SIL1: variants seen among roughly 807,000 people sequenced by gnomAD.
SIL1 encodes the protein SIL1 nucleotide exchange factor, also known as nucleotide exchange factor SIL1.
SIL1 carries 40 observed loss-of-function variants against 49.1 expected under a neutral mutation model. The ratio of observed to expected loss-of-function variants is 0.81; its 90% CI spans 0.63 to 1.06. SIL1 has a LOEUF of 1.06. Ranked by LOEUF, SIL1 falls within the 50% of genes least tolerant of loss-of-function variation. The probability of loss-of-function intolerance (pLI) is 0.00; values close to 1 mark genes in which losing one functional copy is unlikely to be tolerated. For synonymous variants in SIL1, 253 were observed against 250.8 expected (o/e 1.01, Z -0.08); for missense variants, 500 against 572.6 (o/e 0.87, Z 1.29).
intron 1 of SIL1, among the ~76,000 whole-genome samples, chr5:139,136,195 G>A (rs1453423653): frequency 1.3e-5 from 2 of 152,180 alleles, no homozygotes; most frequent in Admixed American, 1.3e-4. Context: ...GTGAGCTTAA[G>A]GCTCAATCTT....
intron 1 of SIL1, among the ~76,000 whole-genome samples, chr5:139,177,080 C>T (rs1267670331): frequency 6.6e-6 from 1 of 151,308 alleles, no homozygotes; most frequent in Middle Eastern, 3.2e-3. Flanking sequence ...CTACAGGCGC[C>T]CGCCACCACA....
chr5:139,019,165 T>C (rs1561830782), intron 7 of SIL1, among the ~76,000 whole-genome samples: 1 of 152,238 alleles, frequency 6.6e-6, no homozygotes, highest in Non-Finnish European at 1.5e-5. Context: ...CCCATCACTG[T>C]GTTGTGTATT....
chr5:138,991,022 C>T (rs1341269455), intron 7 of SIL1, among the ~76,000 whole-genome samples: 11 of 152,372 alleles, frequency 7.2e-5, no homozygotes, highest in East Asian at 1.9e-4. Flanking sequence ...CACCCCCAGC[C>T]GGCTTTTTAA....
Position 139,073,404 on chromosome 5 carries a change from A to G in SIL1, c.245-22358T>C, listed in dbSNP as rs114520366. Among the ~76,000 whole-genome samples, 168 of 152,344 alleles carry G rather than the reference A, an allele frequency of 1.1e-3. 1 individual carries two copies. The highest frequency in any genetic ancestry group is 3.8e-3 in the African/African-American group (157 of 41,578). On this transcript the variant is annotated intron_variant, in intron 3 of 9. Coordinates refer to ENST00000394817, the MANE Select transcript of SIL1 (RefSeq NM_022464.5). ...TTTGCAATAATATGGGTGAGCCTAGAAGAATTATGTGAAGTGAAATAAGCC... is the reference window on the plus strand; with the variant it reads ...TTTGCAATAATATGGGTGAGCCTAGGAGAATTATGTGAAGTGAAATAAGCC...
At position 139,100,746 on chromosome 5, in the gene SIL1, C is replaced by T. The variant is rs79136603; in HGVS notation, c.244+20289G>A. ...TGGGGTCTTAGAGAAAGAAAGGGGT[C>T]GAGAATGACTGTGAGGATTTTGACC... On this transcript the variant is annotated intron_variant, in intron 3 of 9. Coordinates refer to ENST00000394817, the MANE Select transcript of SIL1 (RefSeq NM_022464.5). Among the ~76,000 whole-genome samples, 495 of 151,932 alleles carry T rather than the reference C, an allele frequency of 3.3e-3. 1 individual carries two copies. Among genetic ancestry groups the T allele is most frequent in the Admixed American group, 5.5e-3 (84 of 15,238 alleles).
At chr5:139,027,543 G>A (rs1023482408) in intron 5 of SIL1, among the ~76,000 whole-genome samples, 2 of 152,218 alleles carry the variant, frequency 1.3e-5, no homozygotes, top group Non-Finnish European at 2.9e-5. Context: ...AACCACAGGT[G>A]TACAATTTGT....
At position 138,981,160 on chromosome 5, in the gene SIL1, C is replaced by T. The variant is rs958014913; in HGVS notation, c.768-29276G>A. On this transcript the variant is annotated intron_variant, in intron 7 of 9. Coordinates refer to ENST00000394817, the MANE Select transcript of SIL1 (RefSeq NM_022464.5). ...CCCAGGTGGCGGAGGTTGCAGCAAG[C>T]CAAGATCACGTCACTGCCCTCTAGC... Among the ~76,000 whole-genome samples the T allele has an allele frequency of 4.0e-5, 6 of 149,236 alleles. No homozygotes were observed. In the Admixed American group the frequency reaches 4.0e-4, roughly 10 times the overall value.
intron 7 of SIL1, among the ~76,000 whole-genome samples, chr5:139,011,647 A>T (rs1768274950): frequency 6.6e-6 from 1 of 152,022 alleles, no homozygotes; most frequent in Admixed American, 6.5e-5. Flanking sequence ...CTATAGTTTT[A>T]AAAGTTTGAT....
At chr5:139,060,565 A>G (rs933892903) in intron 3 of SIL1, among the ~76,000 whole-genome samples, 8 of 151,478 alleles carry the variant, frequency 5.3e-5, no homozygotes, top group African/African-American at 9.7e-5. Flanking sequence ...ATAAAACACC[A>G]TAGCCTAGAA....
At chr5:138,982,922 C>T (rs557611390) in intron 7 of SIL1, among the ~76,000 whole-genome samples, 1 of 152,270 alleles carries the variant, frequency 6.6e-6, no homozygotes, top group African/African-American at 2.4e-5. Flanking sequence ...ACCAGTTGGG[C>T]GTGGTGGCTC....
At chr5:139,012,137 T>G (rs566628010) in intron 7 of SIL1, among the ~76,000 whole-genome samples, 1 of 152,276 alleles carries the variant, frequency 6.6e-6, no homozygotes, top group East Asian at 1.9e-4. Context: ...CACTGCAGCC[T>G]CAACTTCCAT....
chr5:139,005,706 G>T (rs1768102983), intron 7 of SIL1, among the ~76,000 whole-genome samples: 1 of 84,642 alleles, frequency 1.2e-5, no homozygotes, highest in Non-Finnish European at 2.3e-5. Flanking sequence ...TGCGGTGTTT[G>T]GTTTTTTGTT....
chr5:139,002,943 T>C (rs924186892), intron 7 of SIL1, among the ~76,000 whole-genome samples: 2 of 152,172 alleles, frequency 1.3e-5, no homozygotes, highest in African/African-American at 4.8e-5. Flanking sequence ...ATGCAGTCAG[T>C]TCCTTCGGGA....
chr5:139,166,316 T>C (rs151155036), intron 1 of SIL1, among the ~76,000 whole-genome samples: 1 of 152,260 alleles, frequency 6.6e-6, no homozygotes, highest in East Asian at 1.9e-4. Flanking sequence ...TCACCTAGTA[T>C]TTACCATTAA....
intron 5 of SIL1, among the ~76,000 whole-genome samples, chr5:139,029,932 G>T (rs959952733): frequency 6.6e-6 from 1 of 151,126 alleles, no homozygotes; most frequent in South Asian, 2.1e-4. Context: ...AGCTGTGATC[G>T]TACCACTTCA....
intron 3 of SIL1, among the ~76,000 whole-genome samples, chr5:139,118,629 C>A (rs989116440): frequency 6.6e-6 from 1 of 152,176 alleles, no homozygotes; most frequent in African/African-American, 2.4e-5. Flanking sequence ...CATTTACCTA[C>A]CCATCCAGTT....
At chr5:139,160,142 ATCAC>A (rs1751481601) in intron 1 of SIL1, among the ~76,000 whole-genome samples, 1 of 68,656 alleles carries the variant, frequency 1.5e-5, no homozygotes, top group African/African-American at 6.6e-5. Context: ...CATTTCCACA[ATCAC>A]ACACACACAC....
intron 1 of SIL1, among the ~76,000 whole-genome samples, chr5:139,162,072 C>A (rs1581142366): frequency 6.6e-6 from 1 of 152,006 alleles, no homozygotes; most frequent in Admixed American, 6.6e-5. Context: ...CAGCACTGAG[C>A]AGTCCCCCTA....
intron 1 of SIL1, among the ~76,000 whole-genome samples, chr5:139,174,986 T>C (rs1581152741): frequency 7.4e-6 from 1 of 135,420 alleles, no homozygotes. Flanking sequence ...ATAATGAAAG[T>C]GGAGATATTA....
Sources: gnomAD v4.1 joint callset for allele counts (sites outside exome capture counted in the v4.1 genomes callset) on GRCh38, gnomAD v4.1.1 for gene constraint, MANE v1.5 for transcripts, NCBI Gene and HGNC (gene_info 2026-07-23, HGNC 2026-07-21) for gene names.